Variants in FAM110B observed in about 807,000 individuals in gnomAD.
The protein encoded by FAM110B is family with sequence similarity 110 member B, also known as protein FAM110B.
A neutral mutation model predicts 20.4 loss-of-function variants in FAM110B; 6 were observed. The ratio of observed to expected loss-of-function variants is 0.29; its 90% CI spans 0.16 to 0.58. The LOEUF is 0.58. Among genes scored for constraint, FAM110B ranks in the 20% least tolerant of loss-of-function variants. FAM110B has a pLI of 0.90. For synonymous variants in FAM110B, 226 were observed against 214.1 expected, an observed-to-expected ratio of 1.06 and a Z score of -0.49; for missense variants, 434 against 498.2, an observed-to-expected ratio of 0.87 and a Z score of 1.23.
Position 58,052,911 on chromosome 8 carries a change from G to A in FAM110B, c.-414+21208G>A, listed in dbSNP as rs537748693. ...CGCCATTCTCCTGCCTCAGCCTCCC[G>A]AGTAGCTGGGACTACAGGCGCCCGC... On this transcript the variant is annotated intron_variant, in intron 2 of 3. Coordinates refer to ENST00000519262, the MANE Select transcript of FAM110B (RefSeq NM_001377989.1). 4.3e-3 allele frequency among the ~76,000 whole-genome samples: 627 copies of A among 147,034 alleles called. 11 individuals are homozygous for A. The highest frequency in any genetic ancestry group is 0.014 in the African/African-American group (574 of 39,796).
intron 3 of FAM110B, among the ~76,000 whole-genome samples, chr8:58,137,584 C>T (rs1803650058): frequency 6.6e-6 from 1 of 152,038 alleles, no homozygotes; most frequent in African/African-American, 2.4e-5. Context: ...CTTACGTTTA[C>T]TGAACAATTT....
intron 3 of FAM110B, among the ~76,000 whole-genome samples, chr8:58,083,205 A>C (rs949828902): frequency 2.0e-5 from 3 of 152,056 alleles, no homozygotes; most frequent in Non-Finnish European, 4.4e-5. Context: ...GCGCTATTTC[A>C]CTGAAAGAGG....
At chr8:58,009,281 T>C (rs577780783) in intron 1 of FAM110B, among the ~76,000 whole-genome samples, 57 of 152,218 alleles carry the variant, frequency 3.7e-4, no homozygotes, top group Non-Finnish European at 7.5e-4. Context: ...GAAGTACCAC[T>C]GTTGATAATA....
At position 58,087,098 on chromosome 8, in the gene FAM110B, C is replaced by A. The variant is rs143948196; in HGVS notation, c.-325+11475C>A. On this transcript the variant is annotated intron_variant, in intron 3 of 3. Transcript: ENST00000519262. The stretch of plus-strand genomic sequence containing the variant: ...TAGGTGCCAGGTGCTTCACAGACTT[C>A]GGAGGTAAATATTTTCCTACTATTT... 3.5e-4 allele frequency among the ~76,000 whole-genome samples: 54 copies of A among 152,292 alleles called. 2 individuals carry two copies. Among genetic ancestry groups the A allele is most frequent in the African/African-American group, 1.3e-3 (52 of 41,562 alleles).
intron 2 of FAM110B, among the ~76,000 whole-genome samples, chr8:58,065,763 A>T (rs6988260): frequency 6.6e-6 from 1 of 151,956 alleles, no homozygotes; most frequent in South Asian, 2.1e-4. Context: ...CCATTTCCGT[A>T]TCTGTAAGTG....
chr8:58,049,023 T>G (rs1563350967), intron 2 of FAM110B, among the ~76,000 whole-genome samples: 3 of 152,178 alleles, frequency 2.0e-5, no homozygotes, highest in African/African-American at 7.2e-5. Context: ...AGGATAGATA[T>G]TGTGTGTGTG....
chr8:58,110,408 C>T (rs1807031488), intron 3 of FAM110B, among the ~76,000 whole-genome samples: 1 of 152,028 alleles, frequency 6.6e-6, no homozygotes, highest in Admixed American at 6.6e-5. Flanking sequence ...GATTAAGATG[C>T]TTAAAATTTA....
intron 3 of FAM110B, among the ~76,000 whole-genome samples, 176 bp from the exon 4 acceptor site, chr8:58,145,731 G>C (rs753737869): frequency 6.6e-6 from 1 of 152,218 alleles, no homozygotes; most frequent in South Asian, 2.1e-4. Flanking sequence ...CGGCGCAGGC[G>C]GGGGCGCAAG....
chr8:58,112,909 AT>A (rs1382512669), intron 3 of FAM110B, among the ~76,000 whole-genome samples: 1 of 152,192 alleles, frequency 6.6e-6, no homozygotes. Flanking sequence ...AACTACAGAC[AT>A]TTATTTCCCA....
chr8:58,004,416 G>A (rs1338178896), intron 1 of FAM110B, among the ~76,000 whole-genome samples: 1 of 152,302 alleles, frequency 6.6e-6, no homozygotes, highest in Non-Finnish European at 1.5e-5. Flanking sequence ...GCTTCACCTT[G>A]CACTTCTATG....
chr8:58,078,199 G>C (rs777190360), intron 3 of FAM110B, among the ~76,000 whole-genome samples: 5 of 152,116 alleles, frequency 3.3e-5, no homozygotes, highest in African/African-American at 4.8e-5. Context: ...TTTGTTTTTA[G>C]AGAACACACT....
chr8:58,019,208 C>T (rs2150568697), intron 1 of FAM110B, among the ~76,000 whole-genome samples: 1 of 151,564 alleles, frequency 6.6e-6, no homozygotes, highest in East Asian at 1.9e-4. Context: ...TGTGGTGGCA[C>T]ATGCCTGTAG....
chr8:58,032,582 T>C lies in FAM110B; in HGVS notation c.-414+879T>C, dbSNP rs936798793. The C allele has an allele frequency of 4.6e-5, 7 of 152,344 alleles. No individual in the cohort carries two copies. In the South Asian group the frequency reaches 1.4e-3, roughly 32 times the overall value. 9.4% of individuals were successfully genotyped at this position (152,344 alleles called of 1,614,324 possible). ...GGGGTAAAGATGACTTCATAATTTC[T>C]GGTAAATATTGTGACTTATTTTTGT... On this transcript the variant is annotated intron_variant, in intron 2 of 3. Transcript: ENST00000519262.
At chr8:58,059,950 T>A (rs1016278402) in intron 2 of FAM110B, among the ~76,000 whole-genome samples, 9 of 152,214 alleles carry the variant, frequency 5.9e-5, no homozygotes, top group Admixed American at 1.3e-4. Flanking sequence ...TAATTTTTTT[T>A]AATATATATC....
chr8:58,087,724 G>A (rs1223034866), intron 3 of FAM110B, among the ~76,000 whole-genome samples: 6 of 152,126 alleles, frequency 3.9e-5, no homozygotes, highest in African/African-American at 1.4e-4. Context: ...CTCTCCTTTA[G>A]CCAAAACCAC....
intron 3 of FAM110B, among the ~76,000 whole-genome samples, chr8:58,097,285 A>G (rs1342221052): frequency 6.6e-6 from 1 of 152,004 alleles, no homozygotes; most frequent in East Asian, 1.9e-4. Flanking sequence ...ACTTTATTTC[A>G]TTAAGTTAAA....
chr8:58,075,276 T>G (rs868206301), intron 2 of FAM110B, among the ~76,000 whole-genome samples: 14 of 127,114 alleles, frequency 1.1e-4, no homozygotes, highest in African/African-American at 4.4e-4. Context: ...TTTTTTTTTT[T>G]GTGTGTGTGT....
At chr8:58,141,353 C>T (rs1419896647) in intron 3 of FAM110B, among the ~76,000 whole-genome samples, 1 of 152,178 alleles carries the variant, frequency 6.6e-6, no homozygotes, top group East Asian at 1.9e-4. Context: ...TATTTGCTCC[C>T]AAGAATGTTT....
At chr8:58,139,486 T>C (rs1387543992) in intron 3 of FAM110B, among the ~76,000 whole-genome samples, 2 of 152,220 alleles carry the variant, frequency 1.3e-5, no homozygotes, top group Non-Finnish European at 2.9e-5. Context: ...ATTTATAGTG[T>C]GCAAAGTCAG....
Sources: gnomAD v4.1 joint callset for allele counts (sites outside exome capture counted in the v4.1 genomes callset) on GRCh38, gnomAD v4.1.1 for gene constraint, MANE v1.5 for transcripts, NCBI Gene and HGNC (gene_info 2026-07-23, HGNC 2026-07-21) for gene names.